The following IRAG1 variants were observed in gnomAD, a reference collection of about 807,000 sequenced individuals.
IRAG1 encodes the protein inositol 1,4,5-triphosphate receptor associated 1, also known as IP3R-associated cGMP kinase substrate.
A neutral mutation model predicts 106.2 loss-of-function variants in IRAG1; 62 were observed. The observed-to-expected ratio is 0.58, with a 90% CI of 0.48 to 0.72. The LOEUF (loss-of-function observed/expected upper bound fraction) is 0.72. IRAG1 is among the 30% of genes least tolerant of loss of function. IRAG1 has a pLI of 0.00. For synonymous variants in IRAG1, 462 were observed against 443.9 expected, an observed-to-expected ratio of 1.04 and a Z score of -0.51; for missense variants, 1,064 against 1,140.7, an observed-to-expected ratio of 0.93 and a Z score of 0.97.
At position 10,583,587 on chromosome 11, in the gene IRAG1, C is replaced by T. The variant is rs1488136823; in HGVS notation, c.2241-1601G>A. ...TGGAAAGGGGAAGCCACAGACACAG[C>T]AATTCGAGTAGGAAGGAGAGTAGAG... is the stretch of plus-strand genomic sequence containing the variant. On this transcript the variant is annotated intron_variant, in intron 18 of 20. Coordinates refer to ENST00000423302, the MANE Select transcript of IRAG1 (RefSeq NM_130385.4). Among the ~76,000 whole-genome samples, 6 of 152,170 alleles carry T rather than the reference C, an allele frequency of 3.9e-5. No homozygotes were observed. The South Asian group carries it at 1.2e-3, about 32-fold the overall frequency.
chr11:10,593,529 G>A lies in IRAG1; in HGVS notation c.2138C>T (p.Thr713Ile). 6.2e-7 allele frequency: 1 copy of A among 1,613,858 alleles called. No individual in the cohort carries two copies. ...GGAGGGAATGGATGATGAGCTGGGA[G>A]TTTGGCCAGGCAGATTCAGGGCATT... Reference protein sequence around the residue: ...KFNALNLPGQTPSSSSIPSLP... With the variant: ...KFNALNLPGQIPSSSSIPSLP... Residue 713 changes from threonine to isoleucine, a missense_variant, in exon 17 of 21, where the codon ACT becomes ATT. Coordinates refer to ENST00000423302, the MANE Select transcript of IRAG1 (RefSeq NM_130385.4).
At chr11:10,671,436 G>A (rs1860214043) in intron 1 of IRAG1, among the ~76,000 whole-genome samples, 1 of 152,216 alleles carries the variant, frequency 6.6e-6, no homozygotes, top group Non-Finnish European at 1.5e-5. Context: ...GGCTGGCCGG[G>A]TGTGGTAGCT....
chr11:10,663,758 A>T (rs1859577719), intron 1 of IRAG1, among the ~76,000 whole-genome samples: 1 of 152,090 alleles, frequency 6.6e-6, no homozygotes, highest in Admixed American at 6.5e-5. Context: ...GAAAGCAAGG[A>T]CTCTAGGAAT....
chr11:10,687,718 C>T, intron 1 of IRAG1: 9 of 1,289,012 alleles, frequency 7.0e-6, no homozygotes, highest in Non-Finnish European at 9.1e-6. Flanking sequence ...GAGAATAGGA[C>T]CCAGGACTGT....
chr11:10,580,458 C>T lies in IRAG1; in HGVS notation c.2492G>A (p.Ser831Asn). 6.2e-7 allele frequency: 1 copy of T among 1,610,878 alleles called. No individual in the cohort carries two copies. The highest frequency in any genetic ancestry group is 8.5e-7 in the Non-Finnish European group (1 of 1,179,000). ...ETEEEEKGPR[S>N]SKLEELVHFL... ...ACTCCAAACACAGGCTTCCCACCTGCTTCTTGGGCCCTTTTCCTCTTCCTC... is the reference window on the plus strand; with the variant it reads ...ACTCCAAACACAGGCTTCCCACCTGTTTCTTGGGCCCTTTTCCTCTTCCTC... The change falls in exon 20 of 21, where the codon AGC becomes AAC. Residue 831 changes from serine to asparagine, a missense_variant. Physicochemically the swap from Ser to Asn is conservative, Grantham distance 46. Coordinates refer to ENST00000423302, the MANE Select transcript of IRAG1 (RefSeq NM_130385.4).
Position 10,575,585 on chromosome 11 carries a change from C to T in IRAG1, c.*747G>A, listed in dbSNP as rs965364583. The T allele has an allele frequency of 6.6e-6, 1 of 152,188 alleles. No homozygotes were observed. The highest frequency in any genetic ancestry group is 6.5e-5 in the Admixed American group (1 of 15,278). The allele number at this position is 152,188 out of a possible 1,614,324, so 9.4% of individuals were successfully genotyped here. A position where few individuals can be genotyped will look rare whatever the true frequency, so the allele number is the denominator to read the frequency against. On this transcript the variant is annotated 3_prime_UTR_variant, in exon 21 of 21. Coordinates refer to ENST00000423302, the MANE Select transcript of IRAG1 (RefSeq NM_130385.4). ...TTGGCTTGGCATGCATCTTATTTAT[C>T]CAGAGGTACACACCCAGAGCACACT...
intron 12 of IRAG1, among the ~76,000 whole-genome samples, chr11:10,605,713 A>T (rs1273167276): frequency 6.6e-6 from 1 of 152,234 alleles, no homozygotes; most frequent in African/African-American, 2.4e-5. Context: ...GACATTAAAC[A>T]AACCGCCCAT....
At chr11:10,686,342 G>A (rs1233471958) in intron 1 of IRAG1, among the ~76,000 whole-genome samples, 1 of 152,182 alleles carries the variant, frequency 6.6e-6, no homozygotes, top group East Asian at 1.9e-4. Flanking sequence ...AAACTTTGGA[G>A]AGCCATAGAA....
chr11:10,632,668 C>T (rs981196212), intron 3 of IRAG1, among the ~76,000 whole-genome samples: 5 of 152,168 alleles, frequency 3.3e-5, no homozygotes, highest in African/African-American at 4.8e-5. Flanking sequence ...GTGATTCTGA[C>T]GCGTGCTAAA....
At chr11:10,662,464 G>A (rs1296829016) in intron 1 of IRAG1, among the ~76,000 whole-genome samples, 1 of 152,172 alleles carries the variant, frequency 6.6e-6, no homozygotes, top group Non-Finnish European at 1.5e-5. Flanking sequence ...CTCCTTCTCT[G>A]ACACCTTCAT....
intron 11 of IRAG1, among the ~76,000 whole-genome samples, chr11:10,609,139 G>T (rs976012284): frequency 6.6e-6 from 1 of 151,936 alleles, no homozygotes; most frequent in Non-Finnish European, 1.5e-5. Flanking sequence ...TTTGTTATTT[G>T]CACATCTCAA....
chr11:10,672,205 A>T (rs908242310), intron 1 of IRAG1, among the ~76,000 whole-genome samples: 5 of 152,238 alleles, frequency 3.3e-5, no homozygotes, highest in Admixed American at 3.3e-4. Context: ...AACTCAAAAC[A>T]TCTAAATGGG....
intron 2 of IRAG1, among the ~76,000 whole-genome samples, chr11:10,644,281 G>C (rs546761623): frequency 6.6e-6 from 1 of 152,222 alleles, no homozygotes; most frequent in African/African-American, 2.4e-5. Context: ...CTAAAAAATA[G>C]AGATAATAAT....
intron 1 of IRAG1, chr11:10,690,518 G>C (rs1444624146): frequency 8.5e-7 from 1 of 1,171,120 alleles, no homozygotes; most frequent in Admixed American, 3.4e-5. Flanking sequence ...AGGCCCATTT[G>C]TGAGGCTGCC....
intron 1 of IRAG1, among the ~76,000 whole-genome samples, chr11:10,680,096 A>T (rs758471042): frequency 6.6e-6 from 1 of 151,794 alleles, no homozygotes; most frequent in Non-Finnish European, 1.5e-5. Context: ...CAACATGGTG[A>T]AACCTGTCTC....
intron 4 of IRAG1, among the ~76,000 whole-genome samples, chr11:10,631,365 T>G (rs1423559132): frequency 6.6e-6 from 1 of 152,208 alleles, no homozygotes; most frequent in African/African-American, 2.4e-5. Context: ...CGCCTATCTG[T>G]CCAGCTCTCT....
intron 2 of IRAG1, among the ~76,000 whole-genome samples, chr11:10,649,617 G>A (rs1445697883): frequency 6.6e-6 from 1 of 152,152 alleles, no homozygotes; most frequent in Admixed American, 6.5e-5. Context: ...TAGGACCTGG[G>A]CTTCTCGGCT....
chr11:10,690,336 G>T, intron 1 of IRAG1: 1 of 1,243,870 alleles, frequency 8.0e-7, no homozygotes, highest in Non-Finnish European at 1.0e-6. Flanking sequence ...TTGCACCACT[G>T]CACTCCAGCC....
At position 10,626,370 on chromosome 11, in the gene IRAG1, G is replaced by T. The variant is rs780318270; in HGVS notation, c.964C>A (p.Gln322Lys). Reference sequence around the variant, plus strand: ...AGCTCGCTCTCCACGGGGCCAGGCTGAGGGCTGTTCAGGGCCATTTTCCCA... The same window carrying T: ...AGCTCGCTCTCCACGGGGCCAGGCTTAGGGCTGTTCAGGGCCATTTTCCCA... ...SSGKMALNSP[Q>K]PGPVESELGK... The change falls in exon 9 of 21, where the codon CAG becomes AAG. Residue 322 changes from glutamine to lysine, a missense_variant. Transcript: ENST00000423302. 7 of 1,613,884 alleles carry T rather than the reference G, an allele frequency of 4.3e-6. No individual in the cohort carries two copies. The highest frequency in any genetic ancestry group is 5.9e-6 in the Non-Finnish European group (7 of 1,179,836).
Sources: gnomAD v4.1 joint callset for allele counts (sites outside exome capture counted in the v4.1 genomes callset) on GRCh38, gnomAD v4.1.1 for gene constraint, MANE v1.5 for transcripts, NCBI Gene and HGNC (gene_info 2026-07-23, HGNC 2026-07-21) for gene names.